Variants in DPYD observed in about 807,000 individuals in gnomAD.
DPYD encodes the protein dihydropyrimidine dehydrogenase, also known as dihydropyrimidine dehydrogenase [NADP(+)].
DPYD carries 109 observed loss-of-function variants against 116.2 expected under a neutral mutation model. The observed-to-expected ratio is 0.94, with a 90% CI of 0.80 to 1.10. The LOEUF is 1.10. DPYD is among the 50% of genes least tolerant of loss of function. The probability of loss-of-function intolerance (pLI) is 0.00; values close to 1 mark genes in which losing one functional copy is unlikely to be tolerated. For missense variants in DPYD, 1,302 were observed against 1,254.5 expected (o/e 1.04, Z -0.57); for synonymous variants, 440 against 432.0 (o/e 1.02, Z -0.23).
At chr1:97,707,173 C>T (rs935870397) in intron 5 of DPYD, among the ~76,000 whole-genome samples, 12 of 151,942 alleles carry the variant, frequency 7.9e-5, no homozygotes, top group South Asian at 6.2e-4. Context: ...TCATGAGGAG[C>T]CCTCCTCAAT....
At chr1:97,813,424 C>T (rs1380642293) in intron 3 of DPYD, among the ~76,000 whole-genome samples, 1 of 151,906 alleles carries the variant, frequency 6.6e-6, no homozygotes, top group African/African-American at 2.4e-5. Flanking sequence ...AAATATAATG[C>T]CAGTAAGTAA....
At chr1:97,452,432 T>C (rs1676469118) in intron 13 of DPYD, among the ~76,000 whole-genome samples, 1 of 152,138 alleles carries the variant, frequency 6.6e-6, no homozygotes, top group Non-Finnish European at 1.5e-5. Context: ...ACTAAAACCA[T>C]AGGCACTAGA....
intron 20 of DPYD, among the ~76,000 whole-genome samples, chr1:97,135,641 T>C (rs763861512): frequency 3.3e-5 from 5 of 152,184 alleles, no homozygotes; most frequent in Admixed American, 6.5e-5. Context: ...ATTTGACCCT[T>C]ACTAAATATT....
intron 3 of DPYD, among the ~76,000 whole-genome samples, chr1:97,826,290 T>C (rs1490344953): frequency 6.6e-6 from 1 of 152,200 alleles, no homozygotes; most frequent in Non-Finnish European, 1.5e-5. Context: ...TCATTTGAAG[T>C]TAATTCTTAT....
chr1:97,139,050 C>T (rs767277023), intron 20 of DPYD, among the ~76,000 whole-genome samples: 3 of 152,044 alleles, frequency 2.0e-5, no homozygotes, highest in Non-Finnish European at 4.4e-5. Context: ...TTGGTCCTTT[C>T]GAAAAAGAAG....
intron 3 of DPYD, among the ~76,000 whole-genome samples, chr1:97,811,483 A>T (rs1668347826): frequency 1.3e-5 from 2 of 152,226 alleles, no homozygotes; most frequent in East Asian, 1.9e-4. Context: ...CTTAGATATA[A>T]ATGCTAGTAG....
intron 11 of DPYD, among the ~76,000 whole-genome samples, chr1:97,573,360 A>G (rs1388089500): frequency 2.0e-5 from 3 of 151,986 alleles, no homozygotes; most frequent in Admixed American, 2.0e-4. Flanking sequence ...AATAAACACA[A>G]ATTCTATTTT....
intron 13 of DPYD, among the ~76,000 whole-genome samples, chr1:97,471,797 C>T (rs913988467): frequency 6.6e-6 from 1 of 152,086 alleles, no homozygotes; most frequent in African/African-American, 2.4e-5. Context: ...ACCATGTTGG[C>T]CACCCTGGTC....
At chr1:97,224,519 T>C (rs1660986760) in intron 19 of DPYD, among the ~76,000 whole-genome samples, 1 of 151,946 alleles carries the variant, frequency 6.6e-6, no homozygotes, top group African/African-American at 2.4e-5. Flanking sequence ...GTGGTAAGAG[T>C]GTCTAAAATC....
intron 16 of DPYD, among the ~76,000 whole-genome samples, chr1:97,347,004 A>T (rs930112522): frequency 2.0e-5 from 3 of 151,530 alleles, no homozygotes; most frequent in African/African-American, 7.3e-5. Flanking sequence ...AAATATATAA[A>T]TCAGTGGATT....
intron 4 of DPYD, among the ~76,000 whole-genome samples, chr1:97,723,445 G>A (rs971489796): frequency 6.6e-6 from 1 of 151,138 alleles, no homozygotes; most frequent in African/African-American, 2.4e-5. Context: ...ATATGTTGAT[G>A]TAAACACACA....
chr1:97,449,070 T>A (rs193014916), intron 14 of DPYD, among the ~76,000 whole-genome samples: 24 of 152,182 alleles, frequency 1.6e-4, no homozygotes, highest in Non-Finnish European at 2.9e-4. Context: ...AAAAACTTGA[T>A]GGGCAAGGCA....
chr1:97,247,279 G>A (rs1296429776), intron 18 of DPYD, among the ~76,000 whole-genome samples: 1 of 152,018 alleles, frequency 6.6e-6, no homozygotes, highest in Non-Finnish European at 1.5e-5. Context: ...AACTAGGAAA[G>A]GAAAAAGAAC....
At chr1:97,434,435 T>C (rs766098788) in intron 14 of DPYD, among the ~76,000 whole-genome samples, 10 of 152,122 alleles carry the variant, frequency 6.6e-5, no homozygotes, top group Non-Finnish European at 1.2e-4. Flanking sequence ...TAGCCAACTG[T>C]GAAATTCACA....
At chr1:97,871,482 G>A (rs183623905) in intron 2 of DPYD, among the ~76,000 whole-genome samples, 237 of 151,512 alleles carry the variant, frequency 1.6e-3, no homozygotes, top group Non-Finnish European at 2.6e-3. Context: ...AGAGAGCTTC[G>A]GCCAGAGTGG....
At chr1:97,634,223 T>C (rs1162919893) in intron 8 of DPYD, among the ~76,000 whole-genome samples, 1 of 152,078 alleles carries the variant, frequency 6.6e-6, no homozygotes, top group East Asian at 1.9e-4. Flanking sequence ...AATTTACAAA[T>C]TCCTATTAAA....
chr1:97,898,318 G>C (rs1407716413), intron 1 of DPYD, among the ~76,000 whole-genome samples: 1 of 151,796 alleles, frequency 6.6e-6, no homozygotes, highest in African/African-American at 2.4e-5. Flanking sequence ...AGCAGCTCTA[G>C]CCTCTCTGTT....
At chr1:97,716,745 C>T (rs943129095) in intron 5 of DPYD, among the ~76,000 whole-genome samples, 1 of 152,002 alleles carries the variant, frequency 6.6e-6, no homozygotes, top group Non-Finnish European at 1.5e-5. Flanking sequence ...GAGAATTCCA[C>T]ATTCTTTGTA....
chr1:97,165,662 C>A (rs1656268162), intron 20 of DPYD, among the ~76,000 whole-genome samples: 1 of 152,090 alleles, frequency 6.6e-6, no homozygotes, highest in African/African-American at 2.4e-5. Flanking sequence ...AAAATATTTG[C>A]AAACTATGTA....
Sources: allele counts gnomAD v4.1 joint callset (sites outside exome capture counted in the v4.1 genomes callset), GRCh38; gene constraint gnomAD v4.1.1; transcripts MANE v1.5; gene names NCBI Gene and HGNC (gene_info 2026-07-23, HGNC 2026-07-21).